Variants in ARHGAP24 observed in about 807,000 individuals in gnomAD.
ARHGAP24 encodes Rho GTPase activating protein 24, also known as rho GTPase-activating protein 24.
ARHGAP24 carries 50 observed loss-of-function variants against 76.4 expected under a neutral mutation model. The ratio of observed to expected loss-of-function variants is 0.65; its 90% CI spans 0.52 to 0.83. The LOEUF (loss-of-function observed/expected upper bound fraction) is 0.83, where lower values mean the gene tolerates loss of function less well. Ranked by LOEUF, ARHGAP24 falls within the 40% of genes least tolerant of loss-of-function variation. The pLI, the probability that ARHGAP24 is intolerant of heterozygous loss-of-function variation, is 0.00. For missense variants in ARHGAP24, 930 were observed against 914.2 expected (o/e 1.02, Z -0.22); for synonymous variants, 345 against 323.3 (o/e 1.07, Z -0.72).
chr4:85,670,962 C>T (rs111407103), intron 2 of ARHGAP24, among the ~76,000 whole-genome samples: 7 of 152,164 alleles, frequency 4.6e-5, no homozygotes, highest in African/African-American at 1.7e-4. Context: ...GGATTGGGGC[C>T]CAAGTGTGTG....
At chr4:85,671,342 T>G (rs1722809946) in intron 2 of ARHGAP24, among the ~76,000 whole-genome samples, 1 of 152,188 alleles carries the variant, frequency 6.6e-6, no homozygotes, top group African/African-American at 2.4e-5. Context: ...TTCCTCTATA[T>G]TTTAACCACA....
At chr4:85,692,495 C>T (rs887632207) in intron 2 of ARHGAP24, among the ~76,000 whole-genome samples, 1 of 152,120 alleles carries the variant, frequency 6.6e-6, no homozygotes, top group African/African-American at 2.4e-5. Context: ...TGTGTAACTC[C>T]ATATTTCCAG....
rs28568576 is a variant in ARHGAP24, at chr4:85,607,546, T to C, written c.180+36825T>C. Among the ~76,000 whole-genome samples the C allele has an allele frequency of 2.7e-3, 406 of 152,136 alleles. 1 individual carries two copies. Among genetic ancestry groups the C allele is most frequent in the African/African-American group, 9.2e-3 (382 of 41,510 alleles). ...TCCCTAATATCATTAATACATTTCA[T>C]TCATTTGAATCTGTCCCAGATATTT... On this transcript the variant is annotated intron_variant, in intron 2 of 9. Coordinates refer to ENST00000395184, the MANE Select transcript of ARHGAP24 (RefSeq NM_001025616.3).
chr4:85,769,728 C>T (rs923775837), intron 3 of ARHGAP24, among the ~76,000 whole-genome samples: 2 of 151,790 alleles, frequency 1.3e-5, no homozygotes, highest in African/African-American at 4.8e-5. Flanking sequence ...GCTGGGATTA[C>T]AGGCGCCCGC....
chr4:85,793,526 C>T (rs1175141084), intron 3 of ARHGAP24, among the ~76,000 whole-genome samples: 1 of 152,104 alleles, frequency 6.6e-6, no homozygotes, highest in African/African-American at 2.4e-5. Flanking sequence ...ATAATCCTGC[C>T]TGTTTTAGTT....
chr4:85,885,636 T>A (rs1027058954), intron 3 of ARHGAP24, among the ~76,000 whole-genome samples: 1 of 152,120 alleles, frequency 6.6e-6, no homozygotes, highest in African/African-American at 2.4e-5. Flanking sequence ...TTTTAATACT[T>A]ATTTATATCT....
chr4:85,638,289 A>G (rs1721399095), intron 2 of ARHGAP24, among the ~76,000 whole-genome samples: 1 of 152,122 alleles, frequency 6.6e-6, no homozygotes, highest in Non-Finnish European at 1.5e-5. Context: ...ATATGATACA[A>G]CTTTCTCTGA....
At chr4:85,890,609 G>A (rs2148778633) in intron 3 of ARHGAP24, among the ~76,000 whole-genome samples, 1 of 152,260 alleles carries the variant, frequency 6.6e-6, no homozygotes, top group Non-Finnish European at 1.5e-5. Flanking sequence ...GAAATAAAGA[G>A]GTGCAGGAGG....
chr4:85,691,588 G>A (rs1040527287), intron 2 of ARHGAP24, among the ~76,000 whole-genome samples: 4 of 152,034 alleles, frequency 2.6e-5, no homozygotes, highest in South Asian at 2.1e-4. Context: ...TTATCATTAC[G>A]CGATGCCCTT....
intron 3 of ARHGAP24, among the ~76,000 whole-genome samples, chr4:85,852,528 C>A (rs1375481680): frequency 2.0e-5 from 3 of 152,186 alleles, no homozygotes; most frequent in African/African-American, 7.2e-5. Context: ...GGAGAAGAGG[C>A]ACTCTGGTTT....
At chr4:85,495,192 C>T (rs1723518015) in intron 1 of ARHGAP24, among the ~76,000 whole-genome samples, 1 of 151,682 alleles carries the variant, frequency 6.6e-6, no homozygotes, top group Non-Finnish European at 1.5e-5. Context: ...TATAAATGAC[C>T]GAGTATGAAC....
chr4:85,939,841 G>T (rs2148823731), intron 4 of ARHGAP24, among the ~76,000 whole-genome samples: 1 of 151,924 alleles, frequency 6.6e-6, no homozygotes, highest in South Asian at 2.1e-4. Flanking sequence ...TAGATTTTCT[G>T]TTGGATTTGG....
intron 2 of ARHGAP24, among the ~76,000 whole-genome samples, chr4:85,707,430 CTTTTA>C (rs1423818786): frequency 6.6e-6 from 1 of 151,726 alleles, no homozygotes; most frequent in African/African-American, 2.4e-5. Flanking sequence ...CGTTATTTAA[CTTTTA>C]TTTTCACCGT....
intron 3 of ARHGAP24, among the ~76,000 whole-genome samples, chr4:85,801,298 G>C (rs1334345084): frequency 6.6e-6 from 1 of 152,164 alleles, no homozygotes; most frequent in Non-Finnish European, 1.5e-5. Context: ...TATGTTGTAT[G>C]ATTAGGAAAT....
Position 85,934,199 on chromosome 4 carries a change from G to C in ARHGAP24, c.392-7867G>C, listed in dbSNP as rs1736503515. Among the ~76,000 whole-genome samples, 4 of 152,238 alleles carry C rather than the reference G, an allele frequency of 2.6e-5. No individual in the cohort carries two copies. The South Asian group carries it at 8.3e-4, about 32-fold the overall frequency. On this transcript the variant is annotated intron_variant, in intron 4 of 9. Transcript: ENST00000395184. ...CTTTCCACAGCTCAAAGATTTTTAT[G>C]ATCCCCTATTGCTCACAGGAGGAAG...
intron 1 of ARHGAP24, among the ~76,000 whole-genome samples, chr4:85,510,016 C>T (rs888430381): frequency 2.6e-5 from 4 of 152,102 alleles, no homozygotes; most frequent in African/African-American, 9.7e-5. Context: ...AGAAATAGTT[C>T]TCAAAGATCA....
At chr4:85,645,020 A>T (rs1021416296) in intron 2 of ARHGAP24, among the ~76,000 whole-genome samples, 6 of 152,140 alleles carry the variant, frequency 3.9e-5, no homozygotes, top group African/African-American at 1.4e-4. Flanking sequence ...ATTGACTATT[A>T]GAAGCAAAAG....
intron 5 of ARHGAP24, among the ~76,000 whole-genome samples, chr4:85,945,490 G>A (rs1207641579): frequency 6.6e-6 from 1 of 152,072 alleles, no homozygotes; most frequent in Non-Finnish European, 1.5e-5. Context: ...AGGCCTGAGC[G>A]GGGTGGCTCA....
chr4:85,991,773 A>G (rs1476992666), intron 8 of ARHGAP24: 1 of 175,104 alleles, frequency 5.7e-6, no homozygotes, highest in Non-Finnish European at 1.2e-5. Context: ...TCAGGAGTAT[A>G]CACATTTGTC....
Sources: allele counts gnomAD v4.1 joint callset (sites outside exome capture counted in the v4.1 genomes callset), GRCh38; gene constraint gnomAD v4.1.1; transcripts MANE v1.5; gene names NCBI Gene and HGNC (gene_info 2026-07-23, HGNC 2026-07-21).